TUBA4B: variants seen among roughly 807,000 people sequenced by gnomAD.
The protein encoded by TUBA4B is tubulin alpha 4b, also known as tubulin-like protein alpha-4B.
TUBA4B carries 13 observed loss-of-function variants against 18.4 expected under a neutral mutation model. The ratio of observed to expected loss-of-function variants is 0.71; its 90% confidence interval spans 0.46 to 1.12. The LOEUF (loss-of-function observed/expected upper bound fraction) is 1.12, where lower values mean the gene tolerates loss of function less well. Ranked by LOEUF, TUBA4B falls within the 50% of genes most tolerant of loss-of-function variation. The pLI is 0.00. For missense variants in TUBA4B, 244 were observed against 250.0 expected (o/e 0.98, Z 0.16); for synonymous variants, 101 against 99.1 (o/e 1.02, Z -0.11).
chr2:219,271,891 C>G lies in TUBA4B; in HGVS notation c.*192C>G, dbSNP rs1951829932. Reference sequence around the variant, plus strand: ...TCCCACTGTGGTGCCTGGGAGTGACCTGGTAAAGTGCAACGTGCCATGTGC... The same window carrying G: ...TCCCACTGTGGTGCCTGGGAGTGACGTGGTAAAGTGCAACGTGCCATGTGC... On this transcript the variant is annotated 3_prime_UTR_variant, in exon 4 of 4. Transcript: ENST00000490341. 3.4e-6 allele frequency: 5 copies of G among 1,451,718 alleles called. No homozygotes were observed. The highest frequency in any genetic ancestry group is 4.8e-6 in the Non-Finnish European group (5 of 1,032,450). 89.9% of individuals were successfully genotyped at this position (1,451,718 alleles called of 1,614,324 possible). A position where few individuals can be genotyped will look rare whatever the true frequency, so the allele number is the denominator to read the frequency against.
chr2:219,271,270 C>A lies in TUBA4B; in HGVS notation c.297C>A (p.Asn99Lys), dbSNP rs533256459. The stretch of plus-strand genomic sequence containing the variant: ...TCCTGATGGAGTGGCTTTCTGTTAA[C>A]TATGGCAAGAAATCCAAGCTGGGAT... ...TSFLMEWLSV[N>K]YGKKSKLGFS... Residue 99 changes from asparagine to lysine, a missense_variant, in exon 4 of 4, where the codon AAC becomes AAA. Transcript: ENST00000490341. 1 of 1,472,530 alleles carries A rather than the reference C, an allele frequency of 6.8e-7. No individual in the cohort carries two copies. The highest frequency in any genetic ancestry group is 1.7e-5 in the Admixed American group (1 of 59,824). 91.2% of individuals were successfully genotyped at this position (1,472,530 alleles called of 1,614,324 possible). A position where few individuals can be genotyped will look rare whatever the true frequency, so the allele number is the denominator to read the frequency against.
At chr2:219,261,557 T>C (rs1232941616) in intron 1 of TUBA4B, among the ~76,000 whole-genome samples, 2 of 152,184 alleles carry the variant, frequency 1.3e-5, no homozygotes, top group South Asian at 2.1e-4. Context: ...TAGTGAAGAA[T>C]TGGGCAGGGG....
rs562496165 is a variant in TUBA4B at position 219,253,356 on chromosome 2, G to GC, written c.-52_-51insC. On this transcript the variant is annotated 5_prime_UTR_variant, in exon 1 of 4. Transcript: ENST00000490341. ...CTCAGACGCGGGGTGCTGAGTCACG[G>GC]GGGGGGGGTGGTTCTGTGGATAGTT... 1.4e-6 allele frequency: 2 copies of GC among 1,462,320 alleles called. No homozygotes were observed. The highest frequency in any genetic ancestry group is 1.8e-6 in the Non-Finnish European group (2 of 1,093,228). The allele number at this position is 1,462,320 out of a possible 1,614,324, so 90.6% of individuals were successfully genotyped here. A position where few individuals can be genotyped will look rare whatever the true frequency, so the allele number is the denominator to read the frequency against.
Position 219,271,580 on chromosome 2 carries a change from A to G in TUBA4B, c.607A>G (p.Thr203Ala), listed in dbSNP as rs3896931. Reference sequence around the variant, plus strand: ...CCAGACCAACCTGGTGTCCTACCTCACATCCACTTCCCCCTGGCCACCTAT... The same window carrying G: ...CCAGACCAACCTGGTGTCCTACCTCGCATCCACTTCCCCCTGGCCACCTAT... The part of the protein sequence containing the change: ...EFQTNLVSYL[T>A]STSPWPPMHQ... The change falls in exon 4 of 4, where the codon ACA becomes GCA. Residue 203 changes from threonine to alanine, a missense_variant. Coordinates refer to ENST00000490341, the MANE Select transcript of TUBA4B (RefSeq NM_001355221.1). The G allele has an allele frequency of 4.7e-5, 76 of 1,613,952 alleles. 1 individual carries two copies. The Middle Eastern group carries it at 4.9e-4, about 11-fold the overall frequency.
In TUBA4B at chr2:219,253,340, G is replaced by A; in HGVS notation, c.-68G>A. The A allele has an allele frequency of 6.5e-7, 1 of 1,532,128 alleles. No individual in the cohort carries two copies. Among genetic ancestry groups the A allele is most frequent in the Non-Finnish European group, 8.7e-7 (1 of 1,145,882 alleles). 94.9% of individuals were successfully genotyped at this position (1,532,128 alleles called of 1,614,324 possible). ...CCACCAACCCTCTCAGCTCAGACGC[G>A]GGGTGCTGAGTCACGGGGGGGGGGT... On this transcript the variant is annotated 5_prime_UTR_variant, in exon 1 of 4. Transcript: ENST00000490341.
chr2:219,263,052 A>G (rs1951769307), intron 1 of TUBA4B, among the ~76,000 whole-genome samples: 1 of 152,100 alleles, frequency 6.6e-6, no homozygotes, highest in Admixed American at 6.5e-5. Context: ...CCACCCCCCA[A>G]AAAAGCATAA....
chr2:219,253,895 G>T (rs1951690731), intron 1 of TUBA4B: 1 of 1,425,614 alleles, frequency 7.0e-7, no homozygotes, highest in Non-Finnish European at 9.2e-7. Flanking sequence ...TTGAGTCGGG[G>T]TGACAGGTCT....
In TUBA4B at chr2:219,272,014, T is replaced by A. The variant is rs149669855; in HGVS notation, c.*315T>A. 3,410 of 1,503,956 alleles carry A rather than the reference T, an allele frequency of 2.3e-3. 79 individuals carry two copies. In the Admixed American group the frequency reaches 0.04, roughly 18 times the overall value. The allele number at this position is 1,503,956 out of a possible 1,614,324, so 93.2% of individuals were successfully genotyped here. A position where few individuals can be genotyped will look rare whatever the true frequency, so the allele number is the denominator to read the frequency against. On this transcript the variant is annotated 3_prime_UTR_variant, in exon 4 of 4. Coordinates refer to ENST00000490341, the MANE Select transcript of TUBA4B (RefSeq NM_001355221.1). ...AAGAGGGCGTTTGGGCACTGATATGTGGGTGAGGGCATGGAGGAGGGTGAG... is the reference window on the plus strand; with the variant it reads ...AAGAGGGCGTTTGGGCACTGATATGAGGGTGAGGGCATGGAGGAGGGTGAG...
At chr2:219,264,276 A>G (rs189120598) in intron 1 of TUBA4B, among the ~76,000 whole-genome samples, 3 of 152,260 alleles carry the variant, frequency 2.0e-5, no homozygotes, top group Admixed American at 6.5e-5. Flanking sequence ...CTTGGCCAAC[A>G]TGGTGAAACA....
chr2:219,263,842 A>T (rs1443792850), intron 1 of TUBA4B, among the ~76,000 whole-genome samples: 3 of 152,264 alleles, frequency 2.0e-5, no homozygotes, highest in African/African-American at 2.4e-5. Context: ...CTGGGTTGAC[A>T]GGGTCTCTGA....
intron 1 of TUBA4B, among the ~76,000 whole-genome samples, chr2:219,265,344 A>G (rs910886353): frequency 1.3e-5 from 2 of 152,212 alleles, no homozygotes; most frequent in Non-Finnish European, 2.9e-5. Context: ...AGGTGCCTTA[A>G]GCATAAAGCA....
intron 1 of TUBA4B, among the ~76,000 whole-genome samples, chr2:219,259,114 C>T (rs573837913): frequency 1.4e-3 from 205 of 143,002 alleles, no homozygotes; most frequent in African/African-American, 5.1e-3. Context: ...AACCTCGTCT[C>T]TACTAAAAAT....
At position 219,270,268 on chromosome 2, in the gene TUBA4B, A is replaced by G. The variant is rs114749404; in HGVS notation, c.125A>G (p.Tyr42Cys). The G allele has an allele frequency of 1.6e-3, 1,193 of 769,486 alleles. 13 individuals carry two copies. The African/African-American group carries it at 0.018, about 12-fold the overall frequency. The allele number at this position is 769,486 out of a possible 1,614,324, so 47.7% of individuals were successfully genotyped here. The change falls in exon 3 of 4, where the codon TAT becomes TGT. Residue 42 changes from tyrosine to cysteine, a missense_variant. Coordinates refer to ENST00000490341, the MANE Select transcript of TUBA4B (RefSeq NM_001355221.1). ...ITGKEDAANNYAWGHYTIGKE... is the reference protein window; with the variant it reads ...ITGKEDAANNCAWGHYTIGKE... Reference sequence around the variant, plus strand: ...GGCAAGGAAGATGCTGCCAATAACTATGCCTGGGGCCACTACACCATTGGG... The same window carrying G: ...GGCAAGGAAGATGCTGCCAATAACTGTGCCTGGGGCCACTACACCATTGGG...
intron 1 of TUBA4B, among the ~76,000 whole-genome samples, chr2:219,264,699 T>C (rs12465520): frequency 0.078 from 11,808 of 152,052 alleles, 1,153 homozygotes; most frequent in African/African-American, 0.23. Context: ...TGGAGTAGGA[T>C]GGCACTAGAT....
rs1951823498 is a variant in TUBA4B at position 219,271,301 on chromosome 2, A to T, written c.328A>T (p.Ile110Phe). ...YGKKSKLGFS[I>F]YPAPQVSTAM... is the part of the protein sequence containing the mutation. ...CAAGAAATCCAAGCTGGGATTCTCCATCTACCCAGCCCCCCAGGTGTCTAC... is the reference window on the plus strand; with the variant it reads ...CAAGAAATCCAAGCTGGGATTCTCCTTCTACCCAGCCCCCCAGGTGTCTAC... Residue 110 changes from isoleucine (I) to phenylalanine (F), a missense_variant, in exon 4 of 4, where the codon ATC (isoleucine) becomes TTC (phenylalanine). Ile to Phe is a conservative substitution (Grantham distance 21). Transcript: ENST00000490341. The T allele has an allele frequency of 6.3e-7, 1 of 1,578,080 alleles. No individual in the cohort carries two copies. Among genetic ancestry groups the T allele is most frequent in the African/African-American group, 1.3e-5 (1 of 74,096 alleles).
intron 1 of TUBA4B, among the ~76,000 whole-genome samples, chr2:219,260,824 T>C (rs1189797858): frequency 3.3e-5 from 5 of 151,994 alleles, no homozygotes; most frequent in Non-Finnish European, 7.4e-5. Flanking sequence ...AATACAAAAA[T>C]TAGCTGGGCT....
At chr2:219,262,086 C>T (rs1476997153) in intron 1 of TUBA4B, among the ~76,000 whole-genome samples, 7 of 152,136 alleles carry the variant, frequency 4.6e-5, no homozygotes, top group East Asian at 1.9e-4. Flanking sequence ...CCGAGGCGGG[C>T]GGATCATGAG....
At chr2:219,259,705 T>C (rs114000641) in intron 1 of TUBA4B, among the ~76,000 whole-genome samples, 98 of 152,250 alleles carry the variant, frequency 6.4e-4, no homozygotes, top group Non-Finnish European at 1.2e-3. Flanking sequence ...CTCACCTTTA[T>C]CTTGGAGCAG....
intron 1 of TUBA4B, chr2:219,254,040 C>G: frequency 3.7e-6 from 2 of 544,566 alleles, no homozygotes; most frequent in Non-Finnish European, 6.2e-6. Context: ...AGCGGCCCCC[C>G]CGAGGGGCGG....
Sources: gnomAD v4.1 joint callset for allele counts (sites outside exome capture counted in the v4.1 genomes callset) on GRCh38, gnomAD v4.1.1 for gene constraint, MANE v1.5 for transcripts, NCBI Gene and HGNC (gene_info 2026-07-23, HGNC 2026-07-21) for gene names.